The following OCEL1 variants were observed in gnomAD, a reference collection of about 807,000 sequenced individuals.
OCEL1 encodes the protein occludin/ELL domain containing 1.
In OCEL1, 24 loss-of-function variants were observed where a neutral mutation model predicts 29.4. The observed-to-expected ratio is 0.82, with a 90% CI of 0.59 to 1.15. The LOEUF is 1.15. OCEL1 is among the 50% of genes most tolerant of loss of function. The pLI, the probability that OCEL1 is intolerant of heterozygous loss-of-function variation, is 0.00. For missense variants in OCEL1, 402 were observed against 352.5 expected (o/e 1.14, Z -1.13); for synonymous variants, 172 against 145.3 (o/e 1.18, Z -1.32).
At chr19:17,228,443 T>G in intron 5 of OCEL1, 134 bp downstream of exon 5, 1 of 899,344 alleles carries the variant, frequency 1.1e-6, no homozygotes, top group Non-Finnish European at 1.7e-6. Flanking sequence ...GGGAGTGCAG[T>G]GGTATGATCT....
Position 17,226,842 on chromosome 19 carries a change from T to C in OCEL1, c.219T>C (p.His73=). ...PKTRGSRGHL[H]THPPGPGPPL... is the part of the protein sequence containing the mutation. Reference sequence around the variant, plus strand: ...CTCGCGGCTCCCGGGGGCACCTGCATACTCACCCGCCTGGGCCTGGGCCCC... The same window carrying C: ...CTCGCGGCTCCCGGGGGCACCTGCACACTCACCCGCCTGGGCCTGGGCCCC... Residue 73 remains histidine (H), a synonymous_variant, in exon 2 of 6, where the codon CAT becomes CAC. Transcript: ENST00000215061. 2.6e-6 allele frequency: 4 copies of C among 1,564,136 alleles called. No homozygotes were observed. Among genetic ancestry groups the C allele is most frequent in the Middle Eastern group, 1.7e-4 (1 of 5,742 alleles).
chr19:17,226,375 G>C (rs1036846452), intron 1 of OCEL1, 59 bp downstream of exon 1: 4 of 1,573,182 alleles, frequency 2.5e-6, no homozygotes. Flanking sequence ...GTCCCGAGGA[G>C]CTCCTCGGGC....
chr19:17,226,290 G>C lies in OCEL1; in HGVS notation c.43G>C (p.Gly15Arg). The change falls in exon 1 of 6, where the codon GGC becomes CGC. Residue 15 changes from glycine (G) to arginine (R), a missense_variant. Transcript: ENST00000215061. ...DGSASPTADP[G>R]SELQTLGQAA... ...AAGTGCCTCTCCGACAGCAGATCCA[G>C]GCTCGGAGCTCCAGACGCTGGGACA... is the stretch of plus-strand genomic sequence containing the variant. 6.2e-7 allele frequency: 1 copy of C among 1,612,470 alleles called. No homozygotes were observed. Among genetic ancestry groups the C allele is most frequent in the Non-Finnish European group, 8.5e-7 (1 of 1,179,616 alleles).
chr19:17,228,670 G>A (rs763468457), intron 5 of OCEL1, 133 bp from the exon 6 acceptor site: 271 of 1,297,880 alleles, frequency 2.1e-4, no homozygotes, highest in Non-Finnish European at 2.6e-4. Flanking sequence ...CACCTTGCCC[G>A]GCTCACCCGG....
Position 17,227,864 on chromosome 19 carries a change from G to C in OCEL1, c.477G>C (p.Glu159Asp). Residue 159 changes from glutamate to aspartate, a missense_variant, in exon 4 of 6, where the codon GAG becomes GAC. Transcript: ENST00000215061. ...GTAAGTACCCGCCAGTGAGCAGTGA[G>C]AGGGAACGGAGCCGCTATGTCGCAG... The part of the protein sequence containing the change: ...YELKYPPVSS[E>D]RERSRYVAVF... The C allele has an allele frequency of 6.2e-7, 1 of 1,613,918 alleles. No homozygotes were observed. The highest frequency in any genetic ancestry group is 1.3e-5 in the African/African-American group (1 of 75,032).
chr19:17,228,732 G>C (rs1690679520), intron 5 of OCEL1, 71 bp from the exon 6 acceptor site: 2 of 1,559,064 alleles, frequency 1.3e-6, no homozygotes, highest in African/African-American at 1.4e-5. Flanking sequence ...AGAATGAAAG[G>C]CAGAGAGTTA....
intron 5 of OCEL1, 26 bp from the exon 6 acceptor site, chr19:17,228,777 A>G (rs776502814): frequency 6.2e-7 from 1 of 1,609,510 alleles, no homozygotes; most frequent in Non-Finnish European, 8.5e-7. Context: ...ACTGCTGCAA[A>G]GACTTCCGGG....
chr19:17,227,834 T>A lies in OCEL1; in HGVS notation c.453-6T>A. 1 of 1,613,360 alleles carries A rather than the reference T, an allele frequency of 6.2e-7. No homozygotes were observed. Among genetic ancestry groups the A allele is most frequent in the Non-Finnish European group, 8.5e-7 (1 of 1,179,842 alleles). ...ACTCACACTCTGACCCTCTTCAACC[T>A]GGTAGTAAGTACCCGCCAGTGAGCA... is the stretch of plus-strand genomic sequence containing the variant. On this transcript the variant is annotated splice_region_variant and splice_polypyrimidine_tract_variant and intron_variant, in intron 3 of 5. Coordinates refer to ENST00000215061, the MANE Select transcript of OCEL1 (RefSeq NM_024578.3).
At position 17,226,737 on chromosome 19, in the gene OCEL1, C is replaced by G; in HGVS notation, c.114C>G (p.Pro38=). The G allele has an allele frequency of 6.4e-7, 1 of 1,558,090 alleles. No individual in the cohort carries two copies. The highest frequency in any genetic ancestry group is 8.6e-7 in the Non-Finnish European group (1 of 1,158,582). Residue 38 remains proline (P), a synonymous_variant, in exon 2 of 6, where the codon CCC becomes CCG. Transcript: ENST00000215061. ...CGCCGCGCGCGGGACACGACGCCCC[C>G]CGCAGGACCCGCCCATCAGCCCGGA... ...PPPPRAGHDA[P]RRTRPSARKP... is the part of the protein sequence containing the mutation.
intron 4 of OCEL1, 27 bp downstream of exon 4, chr19:17,228,032 C>T (rs1277516675): frequency 6.2e-7 from 1 of 1,608,380 alleles, no homozygotes; most frequent in Non-Finnish European, 8.5e-7. Flanking sequence ...AAGCCCTGCC[C>T]CGCAGCCCTT....
intron 3 of OCEL1, among the ~76,000 whole-genome samples, chr19:17,227,416 C>T (rs1042179501): frequency 1.3e-5 from 2 of 151,832 alleles, no homozygotes; most frequent in Non-Finnish European, 2.9e-5. Flanking sequence ...ATAGGCGAGG[C>T]GCGGTGGCTC....
intron 5 of OCEL1, 170 bp downstream of exon 5, chr19:17,228,479 G>A (rs140715379): frequency 7.7e-4 from 528 of 684,424 alleles, no homozygotes; most frequent in African/African-American, 7.5e-3. Flanking sequence ...TCAGCGTCCC[G>A]GGTTCAAGCG....
chr19:17,228,750 T>G lies in OCEL1; in HGVS notation c.673-53T>G, dbSNP rs912472899. On this transcript the variant is annotated intron_variant, in intron 5 of 5. Transcript: ENST00000215061. ...ATGAAAGGCAGAGAGTTAAGCAGCT[T>G]GAAGGCCACAGGGCAGACTGCTGCA... 3.8e-6 allele frequency: 6 copies of G among 1,588,752 alleles called. No homozygotes were observed. In the African/African-American group the frequency reaches 6.7e-5, roughly 18 times the overall value.
intron 3 of OCEL1, among the ~76,000 whole-genome samples, chr19:17,227,519 C>T (rs1242438373): frequency 3.3e-5 from 5 of 152,088 alleles, no homozygotes; most frequent in African/African-American, 1.2e-4. Context: ...TGTGAAACCC[C>T]GTCTCTACTA....
Position 17,228,850 on chromosome 19 carries a change from T to C in OCEL1, c.720T>C (p.Gly240=), listed in dbSNP as rs1599449381. 6.2e-7 allele frequency: 1 copy of C among 1,613,808 alleles called. No homozygotes were observed. The highest frequency in any genetic ancestry group is 8.5e-7 in the Non-Finnish European group (1 of 1,179,948). The change falls in exon 6 of 6, where the codon GGT becomes GGC. Residue 240 remains glycine, a synonymous_variant. Coordinates refer to ENST00000215061, the MANE Select transcript of OCEL1 (RefSeq NM_024578.3). ...AGGCTCGCTGCCACTACCTGAAGGG[T>C]AAACTGAGGCATCTCAAGACTCAGA... ...DKQARCHYLK[G]KLRHLKTQIQ...
chr19:17,229,119 T>G lies in OCEL1; in HGVS notation c.*194T>G. 1 of 519,798 alleles carries G rather than the reference T, an allele frequency of 1.9e-6. No individual in the cohort carries two copies. Among genetic ancestry groups the G allele is most frequent in the Middle Eastern group, 5.6e-4 (1 of 1,796 alleles). The allele number at this position is 519,798 out of a possible 1,614,324, so 32.2% of individuals were successfully genotyped here. On this transcript the variant is annotated 3_prime_UTR_variant, in exon 6 of 6. Transcript: ENST00000215061. ...GCCTTCCAGGACTTCCTCCTCTGGGTCCTCTAGCTCTGACCCTACAGGGAC... is the reference window on the plus strand; with the variant it reads ...GCCTTCCAGGACTTCCTCCTCTGGGGCCTCTAGCTCTGACCCTACAGGGAC...
In OCEL1 at chr19:17,228,949, G is replaced by A; in HGVS notation, c.*24G>A. ...AAGTGCCCCTGCAGATGGGCAGAGGGATGCATGGGGATGCAGGTCCCTTGC... is the reference window on the plus strand; with the variant it reads ...AAGTGCCCCTGCAGATGGGCAGAGGAATGCATGGGGATGCAGGTCCCTTGC... On this transcript the variant is annotated 3_prime_UTR_variant, in exon 6 of 6. Transcript: ENST00000215061. 2 of 1,603,284 alleles carry A rather than the reference G, an allele frequency of 1.2e-6. No homozygotes were observed. Among genetic ancestry groups the A allele is most frequent in the Non-Finnish European group, 1.7e-6 (2 of 1,174,656 alleles).
chr19:17,226,275 C>G lies in OCEL1; in HGVS notation c.28C>G (p.Pro10Ala). 3.1e-6 allele frequency: 5 copies of G among 1,612,388 alleles called. No individual in the cohort carries two copies. Among genetic ancestry groups the G allele is most frequent in the Non-Finnish European group, 4.2e-6 (5 of 1,179,548 alleles). Residue 10 changes from proline to alanine, a missense_variant, in exon 1 of 6, where the codon CCG becomes GCG. Physicochemically the swap from Pro to Ala is conservative, Grantham distance 27. Coordinates refer to ENST00000215061, the MANE Select transcript of OCEL1 (RefSeq NM_024578.3). MHNPDGSASPTADPGSELQT... is the reference protein window; with the variant it reads MHNPDGSASATADPGSELQT... ...GCACAACCCGGACGGAAGTGCCTCT[C>G]CGACAGCAGATCCAGGCTCGGAGCT...
intron 5 of OCEL1, chr19:17,228,577 T>A (rs2073384498): frequency 5.0e-6 from 3 of 598,682 alleles, no homozygotes. Flanking sequence ...TTTCACCATG[T>A]TGGCCAGGCT....
Sources: allele counts gnomAD v4.1 joint callset (sites outside exome capture counted in the v4.1 genomes callset), GRCh38; gene constraint gnomAD v4.1.1; transcripts MANE v1.5; gene names NCBI Gene and HGNC (gene_info 2026-07-23, HGNC 2026-07-21).